The following SREBF1 variants were observed in gnomAD, a reference collection of about 807,000 sequenced individuals.
SREBF1 encodes sterol regulatory element binding transcription factor 1.
A neutral mutation model predicts 100.1 loss-of-function variants in SREBF1; 45 were observed. The ratio of observed to expected loss-of-function variants is 0.45; its 90% CI spans 0.35 to 0.58. The LOEUF is 0.58. Ranked by LOEUF, SREBF1 falls within the 20% of genes least tolerant of loss-of-function variation. SREBF1 has a pLI of 0.00. For missense variants in SREBF1, 1,324 were observed against 1,539.4 expected, an observed-to-expected ratio of 0.86 and a Z score of 2.34; for synonymous variants, 657 against 681.8, an observed-to-expected ratio of 0.96 and a Z score of 0.57.
chr17:17,812,484 A>C lies in SREBF1; in HGVS notation c.*138T>G. ...CCCTCGGGCCTTCCACCGCGAAGGC[A>C]CACAGCAGCCGCAGGTCGAACTGTG... On this transcript the variant is annotated 3_prime_UTR_variant, in exon 19 of 19. Coordinates refer to ENST00000261646, the MANE Select transcript of SREBF1 (RefSeq NM_004176.5). 3 of 911,656 alleles carry C rather than the reference A, an allele frequency of 3.3e-6. No individual in the cohort carries two copies. The South Asian group carries it at 4.9e-5, about 15-fold the overall frequency. The allele number at this position is 911,656 out of a possible 1,614,324, so 56.5% of individuals were successfully genotyped here. A position where few individuals can be genotyped will look rare whatever the true frequency, so the allele number is the denominator to read the frequency against.
Position 17,812,826 on chromosome 17 carries a change from C to G in SREBF1, c.3240G>C (p.Arg1080=). The part of the protein sequence containing the change: ...KGGAVAELEP[R]PTRREHAEAL... Reference sequence around the variant, plus strand: ...CCTCCGCGTGCTCCCGCCGCGTGGGCCGCGGCTCCAGCTCCGCCACCGCGC... The same window carrying G: ...CCTCCGCGTGCTCCCGCCGCGTGGGGCGCGGCTCCAGCTCCGCCACCGCGC... Residue 1080 remains arginine, a synonymous_variant, in exon 19 of 19, where the codon CGG becomes CGC. Coordinates refer to ENST00000261646, the MANE Select transcript of SREBF1 (RefSeq NM_004176.5). The G allele has an allele frequency of 6.8e-7, 1 of 1,476,532 alleles. No individual in the cohort carries two copies. The highest frequency in any genetic ancestry group is 8.9e-7 in the Non-Finnish European group (1 of 1,120,848). The allele number at this position is 1,476,532 out of a possible 1,614,324, so 91.5% of individuals were successfully genotyped here.
At position 17,820,154 on chromosome 17, in the gene SREBF1, G is replaced by C. The variant is rs2033986489; in HGVS notation, c.459C>G (p.Ala153=). Reference sequence around the variant, plus strand: ...CAGGGGTGGAGCTGAACTGCGGTGGGGCTGGGGCTGGGAAGCTCTGTGGCA... The same window carrying C: ...CAGGGGTGGAGCTGAACTGCGGTGGCGCTGGGGCTGGGAAGCTCTGTGGCA... ...ALLPQSFPAP[A]PPQFSSTPVL... is the part of the protein sequence containing the mutation. Residue 153 remains alanine, a synonymous_variant, in exon 2 of 19, where the codon GCC becomes GCG. Coordinates refer to ENST00000261646, the MANE Select transcript of SREBF1 (RefSeq NM_004176.5). The C allele has an allele frequency of 1.9e-6, 3 of 1,613,220 alleles. No individual in the cohort carries two copies. In the East Asian group the frequency reaches 6.7e-5, roughly 36 times the overall value.
intron 12 of SREBF1, 80 bp downstream of exon 12, chr17:17,815,780 C>G: frequency 1.4e-6 from 2 of 1,467,834 alleles, no homozygotes; most frequent in East Asian, 4.8e-5. Flanking sequence ...CAGAGACAGC[C>G]AGAGATTCAG....
chr17:17,820,006 C>A, intron 2 of SREBF1, 84 bp downstream of exon 2: 1 of 1,427,106 alleles, frequency 7.0e-7, no homozygotes, highest in East Asian at 2.4e-5. Flanking sequence ...GCACAGACCT[C>A]TACTCACATC....
At chr17:17,818,442 A>G (rs1187417683) in intron 5 of SREBF1, 68 bp from the exon 6 acceptor site, 34 of 1,161,352 alleles carry the variant, frequency 2.9e-5, no homozygotes, top group Non-Finnish European at 3.6e-5. Context: ...GGGGTTGGAG[A>G]GCCCTAGCAA....
intron 1 of SREBF1, among the ~76,000 whole-genome samples, chr17:17,828,244 G>A (rs776883635): frequency 1.4e-4 from 21 of 152,212 alleles, no homozygotes; most frequent in Admixed American, 6.5e-5. Context: ...CCCTCCACCA[G>A]GAATGCCCTT....
At position 17,820,188 on chromosome 17, in the gene SREBF1, C is replaced by T. The variant is rs879617029; in HGVS notation, c.425G>A (p.Gly142Glu). The change falls in exon 2 of 19, where the codon GGG becomes GAG. Residue 142 changes from glycine to glutamate, a missense_variant. Gly to Glu is a moderately conservative substitution (Grantham distance 98). Coordinates refer to ENST00000261646, the MANE Select transcript of SREBF1 (RefSeq NM_004176.5). ...TGGGAAGCTCTGTGGCAGGAGGGCCCCTGGCAGGGGCTGTGGGGTGGGGGT... is the reference window on the plus strand; with the variant it reads ...TGGGAAGCTCTGTGGCAGGAGGGCCTCTGGCAGGGGCTGTGGGGTGGGGGT... ...LQTPTPQPLP[G>E]ALLPQSFPAP... The T allele has an allele frequency of 3.2e-5, 51 of 1,613,172 alleles. No homozygotes were observed. In the Admixed American group the frequency reaches 5.8e-4, roughly 18 times the overall value.
In SREBF1 at chr17:17,812,263, G is replaced by T. The variant is rs1205697179; in HGVS notation, c.*359C>A. The T allele has an allele frequency of 4.8e-6, 2 of 417,286 alleles. No homozygotes were observed. Among genetic ancestry groups the T allele is most frequent in the Non-Finnish European group, 8.7e-6 (2 of 229,014 alleles). The allele number at this position is 417,286 out of a possible 1,614,324, so 25.8% of individuals were successfully genotyped here. A position where few individuals can be genotyped will look rare whatever the true frequency, so the allele number is the denominator to read the frequency against. Reference sequence around the variant, plus strand: ...TGGGGCAGAGCCCTGCTTGCAGTCCGGGAAAGCCAAGTTGGCTTCCGTCAG... The same window carrying T: ...TGGGGCAGAGCCCTGCTTGCAGTCCTGGAAAGCCAAGTTGGCTTCCGTCAG... On this transcript the variant is annotated 3_prime_UTR_variant, in exon 19 of 19. Transcript: ENST00000261646.
Position 17,819,303 on chromosome 17 carries a change from C to T in SREBF1, c.846+17G>A, listed in dbSNP as rs778318730. 11 of 1,613,540 alleles carry T rather than the reference C, an allele frequency of 6.8e-6. No individual in the cohort carries two copies. The highest frequency in any genetic ancestry group is 7.6e-6 in the Non-Finnish European group (9 of 1,180,040). ...TGTGTAGACCCCACTCCCTTATGCC[C>T]TGCCCACGTCACCCACCGGCAAAGG... On this transcript the variant is annotated intron_variant, in intron 4 of 18. Transcript: ENST00000261646.
Position 17,836,736 on chromosome 17 carries a change from C to T in SREBF1, c.82G>A (p.Asp28Asn), listed in dbSNP as rs1242548195. Reference protein sequence around the residue: ...PCDLDAALLTDIEDMLQLINN... With the variant: ...PCDLDAALLTNIEDMLQLINN... ...GCCCGCCCTGACGCACCTTCGATGT[C>T]GGTCAGCAGCGCCGCGTCCAGATCG... Residue 28 changes from aspartate (D) to asparagine (N), a missense_variant, in exon 1 of 19, where the codon GAC becomes AAC. Physicochemically the swap from Asp to Asn is conservative, Grantham distance 23. Coordinates refer to ENST00000261646, the MANE Select transcript of SREBF1 (RefSeq NM_004176.5). The T allele has an allele frequency of 6.4e-7, 1 of 1,571,008 alleles. No individual in the cohort carries two copies. Among genetic ancestry groups the T allele is most frequent in the Non-Finnish European group, 8.6e-7 (1 of 1,166,126 alleles).
At position 17,812,058 on chromosome 17, in the gene SREBF1, T is replaced by A; in HGVS notation, c.*564A>T. On this transcript the variant is annotated 3_prime_UTR_variant, in exon 19 of 19. Transcript: ENST00000261646. The stretch of plus-strand genomic sequence containing the variant: ...CTCACTAGTCAGCACATCCATCAGC[T>A]GAAGACACAAAACCCAGATTATAAA... The A allele has an allele frequency of 2.3e-6, 1 of 438,426 alleles. No individual in the cohort carries two copies. The allele number at this position is 438,426 out of a possible 1,614,324, so 27.2% of individuals were successfully genotyped here. A position where few individuals can be genotyped will look rare whatever the true frequency, so the allele number is the denominator to read the frequency against.
At chr17:17,826,309 T>A (rs2034488627) in intron 1 of SREBF1, among the ~76,000 whole-genome samples, 1 of 150,464 alleles carries the variant, frequency 6.6e-6, no homozygotes. Flanking sequence ...TAAGGGGAGT[T>A]AACGGGGCCA....
chr17:17,816,069 T>C (rs1567962313), intron 11 of SREBF1, 41 bp from the exon 12 acceptor site: 1 of 1,604,108 alleles, frequency 6.2e-7, no homozygotes, highest in South Asian at 1.1e-5. Context: ...GGACACAGCC[T>C]GGGGCCAGAC....
Position 17,812,787 on chromosome 17 carries a change from G to A in SREBF1, c.3279C>T (p.Ala1093=). Reference sequence around the variant, plus strand: ...GGAAGCCGGGGGGCAGGTAGCAGGAGGCCAGCAGCAAGGCCTCCGCGTGCT... The same window carrying A: ...GGAAGCCGGGGGGCAGGTAGCAGGAAGCCAGCAGCAAGGCCTCCGCGTGCT... ...RREHAEALLL[A]SCYLPPGFLS... Residue 1093 remains alanine, a synonymous_variant, in exon 19 of 19, where the codon GCC becomes GCT. Transcript: ENST00000261646. 1 of 1,525,716 alleles carries A rather than the reference G, an allele frequency of 6.6e-7. No homozygotes were observed. The highest frequency in any genetic ancestry group is 8.8e-7 in the Non-Finnish European group (1 of 1,137,396). 94.5% of individuals were successfully genotyped at this position (1,525,716 alleles called of 1,614,324 possible). A position where few individuals can be genotyped will look rare whatever the true frequency, so the allele number is the denominator to read the frequency against.
rs1280133281 is a variant in SREBF1, at chr17:17,823,650, G to GCGCGCCCGCCCCGCCCCGCCC, written c.92-3150_92-3130dup. Reference sequence around the variant, plus strand: ...ATTTTTGAAGCCGTTGAGCGCTGCGGCGCGCCCGCCCCGCCCCGCCCCGCC... The same window carrying GCGCGCCCGCCCCGCCCCGCCC: ...ATTTTTGAAGCCGTTGAGCGCTGCGGCGCGCCCGCCCCGCCCCGCCCCGCGCCCGCCCCGCCCCGCCCCGCC... On this transcript the variant is annotated intron_variant, in intron 1 of 18. Transcript: ENST00000261646. The GCGCGCCCGCCCCGCCCCGCCC allele has an allele frequency of 1.4e-5, 21 of 1,487,726 alleles. No individual in the cohort carries two copies. The African/African-American group carries it at 2.9e-4, about 21-fold the overall frequency. 92.2% of individuals were successfully genotyped at this position (1,487,726 alleles called of 1,614,324 possible).
intron 1 of SREBF1, among the ~76,000 whole-genome samples, chr17:17,834,456 T>A (rs1598144292): frequency 6.6e-6 from 1 of 152,314 alleles, no homozygotes; most frequent in Admixed American, 6.5e-5. Flanking sequence ...AAAAAAGATG[T>A]GTGTAATTGG....
In SREBF1 at chr17:17,812,418, C is replaced by T. The variant is rs978383883; in HGVS notation, c.*204G>A. On this transcript the variant is annotated 3_prime_UTR_variant, in exon 19 of 19. Transcript: ENST00000261646. ...AGTGCCCCGATCGGCCACCAGAGGT[C>T]AGCACCATCATGGCCGCCGGTCTTA... 2 of 648,678 alleles carry T rather than the reference C, an allele frequency of 3.1e-6. No individual in the cohort carries two copies. The highest frequency in any genetic ancestry group is 5.2e-6 in the Non-Finnish European group (2 of 381,498). 40.2% of individuals were successfully genotyped at this position (648,678 alleles called of 1,614,324 possible). A position where few individuals can be genotyped will look rare whatever the true frequency, so the allele number is the denominator to read the frequency against.
intron 1 of SREBF1, 156 bp from the exon 2 acceptor site, chr17:17,820,677 G>A (rs1403846519): frequency 1.2e-6 from 1 of 832,508 alleles, no homozygotes; most frequent in African/African-American, 1.7e-5. Context: ...ACCCACAGGA[G>A]CTGGTGTTCC....
At chr17:17,818,861 TAA>T in intron 5 of SREBF1, 150 bp downstream of exon 5, 1 of 871,936 alleles carries the variant, frequency 1.1e-6, no homozygotes, top group Admixed American at 2.0e-5. Flanking sequence ...CCAGTTTAAC[TAA>T]ATAAACGAGG....
Sources: gnomAD v4.1 joint callset for allele counts (sites outside exome capture counted in the v4.1 genomes callset) on GRCh38, gnomAD v4.1.1 for gene constraint, MANE v1.5 for transcripts, NCBI Gene and HGNC (gene_info 2026-07-23, HGNC 2026-07-21) for gene names.